The following CLIC2 variants were observed in gnomAD, a reference collection of about 807,000 sequenced individuals.
The protein encoded by CLIC2 is CLIC family member 2.
Under a neutral mutation model 14.8 loss-of-function variants are expected in CLIC2, and 9 were observed. That is an observed-to-expected ratio of 0.61 (90% CI 0.37 to 1.06). The LOEUF is 1.06. Ranked by LOEUF, CLIC2 falls within the 50% of genes least tolerant of loss-of-function variation. CLIC2 has a pLI of 0.01. For missense variants in CLIC2, 148 were observed against 181.4 expected (o/e 0.82, Z 1.06); for synonymous variants, 61 against 66.3 (o/e 0.92, Z 0.39).
chrX:155,305,310 G>A (rs1326145867), intron 1 of CLIC2, among the ~76,000 whole-genome samples: 1 of 112,277 alleles, frequency 8.9e-6, no homozygotes, highest in Non-Finnish European at 1.9e-5. Flanking sequence ...GAAAAGCGCA[G>A]TATTTGGGTG....
chrX:155,303,075 T>C (rs1180854322), intron 1 of CLIC2, among the ~76,000 whole-genome samples: 1 of 94,189 alleles, frequency 1.1e-5, no homozygotes, highest in Non-Finnish European at 2.2e-5. Flanking sequence ...GGGTGGAGAG[T>C]TCTGTAGATG....
intron 1 of CLIC2, among the ~76,000 whole-genome samples, chrX:155,307,044 C>A (rs1368365698): frequency 9.0e-6 from 1 of 111,524 alleles, no homozygotes; most frequent in East Asian, 2.8e-4. Context: ...CATTTACTTA[C>A]CCAATGAATA....
intron 1 of CLIC2, among the ~76,000 whole-genome samples, chrX:155,302,789 T>A (rs1248164347): frequency 6.4e-5 from 5 of 77,825 alleles, no homozygotes; most frequent in Non-Finnish European, 1.3e-4. Flanking sequence ...GTCTTTGTTC[T>A]CATTGGTTTC....
intron 4 of CLIC2, among the ~76,000 whole-genome samples, 182 bp from the exon 5 acceptor site, chrX:155,279,512 AATAG>A (rs1557316191): frequency 8.9e-6 from 1 of 112,299 alleles, no homozygotes. Flanking sequence ...AGTAAGATGA[AATAG>A]TGAGTGTTAA....
rs1440051950 is a variant in CLIC2, at chrX:155,276,566, C to T, written c.*1337G>A. 2 of 111,669 alleles carry T rather than the reference C, an allele frequency of 1.8e-5. No individual in the cohort carries two copies. The highest frequency in any genetic ancestry group is 6.5e-5 in the African/African-American group (2 of 30,770). 9.2% of individuals were successfully genotyped at this position (111,669 alleles called of 1,213,427 possible). On this transcript the variant is annotated 3_prime_UTR_variant, in exon 6 of 6. Coordinates refer to ENST00000369449, the MANE Select transcript of CLIC2 (RefSeq NM_001289.6). ...CTGGTAACCACGATTCTACCCTCTA[C>T]TTGTGTGAGATCAACTTTTTAAAAT...
chrX:155,297,953 C>T (rs1323472158), intron 3 of CLIC2, among the ~76,000 whole-genome samples: 13 of 105,893 alleles, frequency 1.2e-4, no homozygotes, highest in Non-Finnish European at 1.4e-4. Context: ...AGCCATGTTG[C>T]GAAATGCCTA....
intron 1 of CLIC2, among the ~76,000 whole-genome samples, chrX:155,312,987 A>G (rs191448538): frequency 1.7e-4 from 19 of 111,187 alleles, no homozygotes; most frequent in Admixed American, 1.5e-3. Context: ...TGATAATTAG[A>G]GAAATTCAAA....
At position 155,293,263 on chromosome X, in the gene CLIC2, A is replaced by G. The variant is rs2074981186; in HGVS notation, c.293+5522T>C. The G allele has an allele frequency of 5.1e-6, 5 of 982,327 alleles. No homozygotes were observed. In the South Asian group the frequency reaches 9.6e-5, roughly 19 times the overall value. 81.0% of individuals were successfully genotyped at this position (982,327 alleles called of 1,213,427 possible). A position where few individuals can be genotyped will look rare whatever the true frequency, so the allele number is the denominator to read the frequency against. On this transcript the variant is annotated intron_variant, in intron 3 of 5. Transcript: ENST00000369449. ...TGCCACTCCAAGAAAAGATGCTCCC[A>G]AACGTTCTGTACTGTCCAACTCAGT...
chrX:155,292,547 G>C (rs184451768), intron 3 of CLIC2: 18 of 439,180 alleles, frequency 4.1e-5, no homozygotes, highest in Non-Finnish European at 6.5e-5. Flanking sequence ...GAGGTGGGCA[G>C]ATCACGAGGT....
Position 155,277,929 on chromosome X carries a change from CGTAA to C in CLIC2, c.714_717del (p.Tyr239GlnfsTer29), listed in dbSNP as rs1469437140. The C allele has an allele frequency of 2.5e-6, 3 of 1,209,441 alleles. No homozygotes were observed. The highest frequency in any genetic ancestry group is 3.0e-5 in the East Asian group (1 of 33,832). ...TAACTCTTCTGTTTAGCCACATTTG[CGTAA>C]GTATTTTCAATTTCTTTGTCTTCAG... On this transcript the variant is annotated frameshift_variant, in exon 6 of 6. Transcript: ENST00000369449. LOFTEE classifies it high-confidence loss of function.
intron 1 of CLIC2, among the ~76,000 whole-genome samples, chrX:155,319,265 G>A (rs1388009017): frequency 9.0e-6 from 1 of 111,652 alleles, no homozygotes; most frequent in African/African-American, 3.3e-5. Flanking sequence ...CTGGGGGCTG[G>A]CAAGATGGCC....
At chrX:155,286,745 CT>C (rs1283971827) in intron 3 of CLIC2, among the ~76,000 whole-genome samples, 5 of 112,354 alleles carry the variant, frequency 4.5e-5, no homozygotes, top group African/African-American at 9.7e-5. Context: ...CACTAATGAG[CT>C]TTTTTCATAT....
chrX:155,296,974 A>G (rs1557318407), intron 3 of CLIC2, among the ~76,000 whole-genome samples: 2 of 112,118 alleles, frequency 1.8e-5, no homozygotes, highest in Admixed American at 9.5e-5. Flanking sequence ...TATCCAAAGC[A>G]CGAGAAATCA....
At chrX:155,305,915 T>G (rs2075053930) in intron 1 of CLIC2, among the ~76,000 whole-genome samples, 1 of 112,306 alleles carries the variant, frequency 8.9e-6, no homozygotes, top group Non-Finnish European at 1.9e-5. Context: ...TACTTTATTT[T>G]TATATTTTGA....
At chrX:155,328,127 A>T (rs887503865) in intron 1 of CLIC2, among the ~76,000 whole-genome samples, 35 of 111,273 alleles carry the variant, frequency 3.1e-4, no homozygotes, top group African/African-American at 1.1e-3. Context: ...CTTTCACCAC[A>T]GTTATTCAAC....
At chrX:155,315,054 G>T (rs2075090108) in intron 1 of CLIC2, among the ~76,000 whole-genome samples, 1 of 110,345 alleles carries the variant, frequency 9.1e-6, no homozygotes, top group Non-Finnish European at 1.9e-5. Context: ...CAAAGACAAA[G>T]AAAAAAATAA....
At chrX:155,304,762 T>G (rs6655066) in intron 1 of CLIC2, among the ~76,000 whole-genome samples, 24,727 of 69,750 alleles carry the variant, frequency 0.35, 7,436 homozygotes, top group Middle Eastern at 0.59. Flanking sequence ...GTTTTTGGTG[T>G]GGATGTCATT....
At chrX:155,334,290 T>G in intron 1 of CLIC2, 81 bp downstream of exon 1, 5 of 776,600 alleles carry the variant, frequency 6.4e-6, no homozygotes, top group Non-Finnish European at 1.0e-5. Flanking sequence ...AGCCCAAATG[T>G]GGAGAATTTT....
intron 1 of CLIC2, 61 bp downstream of exon 1, chrX:155,334,310 T>C: frequency 1.1e-6 from 1 of 896,877 alleles, no homozygotes; most frequent in Non-Finnish European, 1.6e-6. Flanking sequence ...TTAAAGACAT[T>C]GGACTTCAGT....
Sources: allele counts gnomAD v4.1 joint callset (sites outside exome capture counted in the v4.1 genomes callset), GRCh38; gene constraint gnomAD v4.1.1; transcripts MANE v1.5; gene names NCBI Gene and HGNC (gene_info 2026-07-23, HGNC 2026-07-21).